Variants in FAM124A observed in about 807,000 individuals in gnomAD.
FAM124A encodes family with sequence similarity 124 member A.
A neutral mutation model predicts 24.5 loss-of-function variants in FAM124A; 23 were observed. The ratio of observed to expected loss-of-function variants is 0.94; its 90% CI spans 0.68 to 1.33. FAM124A has a LOEUF of 1.33. FAM124A is among the 40% of genes most tolerant of loss of function. The pLI is 0.00. For synonymous variants in FAM124A, 287 were observed against 314.7 expected (o/e 0.91, Z 0.93); for missense variants, 623 against 722.8 (o/e 0.86, Z 1.58).
chr13:51,273,492 C>T (rs2137707222), intron 3 of FAM124A, among the ~76,000 whole-genome samples: 1 of 152,306 alleles, frequency 6.6e-6, no homozygotes, highest in South Asian at 2.1e-4. Flanking sequence ...AGGCCGGTCT[C>T]AAACTCCTGA....
rs201491419 is a variant in FAM124A, at chr13:51,280,445, C to T, written c.835-5C>T. On this transcript the variant is annotated splice_polypyrimidine_tract_variant and splice_region_variant and intron_variant, in intron 3 of 3. Transcript: ENST00000322475. ...CACTAATGTGATCTGCCTCTCCCCCCACAGGCACAAAGGGTGCATAAGAAG... is the reference window on the plus strand; with the variant it reads ...CACTAATGTGATCTGCCTCTCCCCCTACAGGCACAAAGGGTGCATAAGAAG... 63 of 1,582,204 alleles carry T rather than the reference C, an allele frequency of 4.0e-5. 1 individual carries two copies. In the South Asian group the frequency reaches 6.1e-4, roughly 15 times the overall value.
At chr13:51,261,689 C>A (rs569200939) in intron 3 of FAM124A, among the ~76,000 whole-genome samples, 1 of 152,144 alleles carries the variant, frequency 6.6e-6, no homozygotes, top group Non-Finnish European at 1.5e-5. Flanking sequence ...TAGTTTGGTC[C>A]GTTCAGGGTT....
intron 3 of FAM124A, among the ~76,000 whole-genome samples, chr13:51,267,562 G>A (rs1466944503): frequency 6.6e-6 from 1 of 151,990 alleles, no homozygotes; most frequent in Non-Finnish European, 1.5e-5. Flanking sequence ...AAGAAATTAG[G>A]TTTTATAGGT....
chr13:51,266,488 A>G (rs1052581009), intron 3 of FAM124A, among the ~76,000 whole-genome samples: 1 of 152,194 alleles, frequency 6.6e-6, no homozygotes, highest in African/African-American at 2.4e-5. Flanking sequence ...TTTATGGCAG[A>G]ACTTGACGAC....
At chr13:51,248,403 G>T (rs905102061) in intron 2 of FAM124A, among the ~76,000 whole-genome samples, 6 of 152,152 alleles carry the variant, frequency 3.9e-5, no homozygotes, top group South Asian at 2.1e-4. Flanking sequence ...TTACCCACTT[G>T]ACTGACTGTC....
Position 51,252,031 on chromosome 13 carries a change from C to A in FAM124A, c.664C>A (p.Leu222Met). The change falls in exon 3 of 4, where the codon CTG becomes ATG. Residue 222 changes from leucine to methionine, a missense_variant. Coordinates refer to ENST00000322475, the MANE Select transcript of FAM124A (RefSeq NM_001242312.2). The part of the protein sequence containing the change: ...SNLDVDIQFS[L>M]KRLPCDQCPV... Reference sequence around the variant, plus strand: ...CCTGGATGTGGACATCCAGTTCTCCCTGAAAAGACTGCCCTGTGACCAGTG... The same window carrying A: ...CCTGGATGTGGACATCCAGTTCTCCATGAAAAGACTGCCCTGTGACCAGTG... 6.2e-7 allele frequency: 1 copy of A among 1,614,252 alleles called. No individual in the cohort carries two copies.
At chr13:51,279,842 T>C (rs900282656) in intron 3 of FAM124A, among the ~76,000 whole-genome samples, 8 of 152,180 alleles carry the variant, frequency 5.3e-5, no homozygotes, top group African/African-American at 1.9e-4. Context: ...AGTAGATAAA[T>C]GCTAACCCCG....
rs575820284 is a variant in FAM124A at position 51,246,701 on chromosome 13, A to AC, written c.101-4761dup. On this transcript the variant is annotated intron_variant, in intron 2 of 3. Coordinates refer to ENST00000322475, the MANE Select transcript of FAM124A (RefSeq NM_001242312.2). ...TACTTGGTGGAATGCCTTTCAGCTC[A>AC]CCCCCCTGCTCTGAGGCCGGGCATT... Among the ~76,000 whole-genome samples the AC allele has an allele frequency of 4.6e-3, 694 of 151,500 alleles. 5 individuals carry two copies. The highest frequency in any genetic ancestry group is 0.016 in the African/African-American group (669 of 41,226).
At chr13:51,279,443 T>C (rs1444409801) in intron 3 of FAM124A, among the ~76,000 whole-genome samples, 1 of 152,176 alleles carries the variant, frequency 6.6e-6, no homozygotes, top group Non-Finnish European at 1.5e-5. Flanking sequence ...TCAGGTACTA[T>C]TAATATATAC....
At position 51,275,209 on chromosome 13, in the gene FAM124A, C is replaced by CAA. The variant is rs34573330; in HGVS notation, c.835-5223_835-5222dup. Among the ~76,000 whole-genome samples the CAA allele has an allele frequency of 7.1e-3, 721 of 101,888 alleles. 6 individuals carry two copies. The highest frequency in any genetic ancestry group is 9.9e-3 in the Non-Finnish European group (455 of 46,174). The allele number at this position is 101,888 out of a possible 152,430, so 66.8% of individuals were successfully genotyped here. A position where few individuals can be genotyped will look rare whatever the true frequency, so the allele number is the denominator to read the frequency against. On this transcript the variant is annotated intron_variant, in intron 3 of 3. Coordinates refer to ENST00000322475, the MANE Select transcript of FAM124A (RefSeq NM_001242312.2). ...GAAACATAGCCAGACCCTGTATATACAAAAAAAAAAAAAAAAAAATTGGCT... is the reference window on the plus strand; with the variant it reads ...GAAACATAGCCAGACCCTGTATATACAAAAAAAAAAAAAAAAAAAAATTGGCT...
At chr13:51,246,224 C>T (rs1954556065) in intron 2 of FAM124A, among the ~76,000 whole-genome samples, 1 of 152,148 alleles carries the variant, frequency 6.6e-6, no homozygotes, top group African/African-American at 2.4e-5. Context: ...CTCGCTAGGT[C>T]CTTTGAGAAG....
At chr13:51,238,651 G>T (rs1241716767) in intron 2 of FAM124A, among the ~76,000 whole-genome samples, 2 of 152,220 alleles carry the variant, frequency 1.3e-5, no homozygotes, top group Non-Finnish European at 2.9e-5. Flanking sequence ...GCAGGTAGCA[G>T]CCTTACCTGT....
At chr13:51,273,109 T>C (rs1280261014) in intron 3 of FAM124A, among the ~76,000 whole-genome samples, 1 of 152,186 alleles carries the variant, frequency 6.6e-6, no homozygotes, top group African/African-American at 2.4e-5. Context: ...CCGCAGAACT[T>C]AGACCCCCAG....
At chr13:51,232,308 T>C (rs1419654668) in intron 2 of FAM124A, among the ~76,000 whole-genome samples, 2 of 152,108 alleles carry the variant, frequency 1.3e-5, no homozygotes, top group African/African-American at 4.8e-5. Flanking sequence ...TGAATACTTA[T>C]TTTAAATTAA....
intron 2 of FAM124A, among the ~76,000 whole-genome samples, chr13:51,237,174 C>T (rs2137656931): frequency 6.6e-6 from 1 of 152,286 alleles, no homozygotes; most frequent in Admixed American, 6.5e-5. Context: ...TGTCTCAGTT[C>T]AGGTCTGCCC....
rs114532756 is a variant in FAM124A at position 51,249,086 on chromosome 13, C to T, written c.101-2382C>T. ...TGTTGCCATGTCCCAGAATTCCCCA[C>T]GGCCCCCTTCCAAATGTGCTTGTTT... On this transcript the variant is annotated intron_variant, in intron 2 of 3. Coordinates refer to ENST00000322475, the MANE Select transcript of FAM124A (RefSeq NM_001242312.2). 3.2e-3 allele frequency among the ~76,000 whole-genome samples: 484 copies of T among 152,310 alleles called. 2 individuals carry two copies. The highest frequency in any genetic ancestry group is 0.011 in the African/African-American group (459 of 41,564).
chr13:51,261,249 A>G (rs1180818368), intron 3 of FAM124A, among the ~76,000 whole-genome samples: 2 of 152,152 alleles, frequency 1.3e-5, no homozygotes, highest in Non-Finnish European at 2.9e-5. Flanking sequence ...ACACCTGCGA[A>G]CAGCAGGCTA....
At chr13:51,233,237 G>C (rs1458964873) in intron 2 of FAM124A, among the ~76,000 whole-genome samples, 1 of 152,028 alleles carries the variant, frequency 6.6e-6, no homozygotes, top group Non-Finnish European at 1.5e-5. Flanking sequence ...ACCGTTCTCA[G>C]CTTTTGGCTT....
chr13:51,264,855 T>A (rs1271303995), intron 3 of FAM124A, among the ~76,000 whole-genome samples: 1 of 152,172 alleles, frequency 6.6e-6, no homozygotes, highest in Non-Finnish European at 1.5e-5. Flanking sequence ...GGTTCAGACA[T>A]TGTGTGTATA....
Sources: gnomAD v4.1 joint callset for allele counts (sites outside exome capture counted in the v4.1 genomes callset) on GRCh38, gnomAD v4.1.1 for gene constraint, MANE v1.5 for transcripts, NCBI Gene and HGNC (gene_info 2026-07-23, HGNC 2026-07-21) for gene names.